Variants in DNAH8 observed in about 807,000 individuals in gnomAD.
DNAH8 encodes the protein dynein axonemal heavy chain 8, also known as axonemal beta dynein heavy chain 8.
DNAH8 carries 382 observed loss-of-function variants against 562.1 expected under a neutral mutation model. That is an observed-to-expected ratio of 0.68 (90% CI 0.63 to 0.74). DNAH8 has a LOEUF of 0.74. Ranked by LOEUF, DNAH8 falls within the 30% of genes least tolerant of loss-of-function variation. The pLI is 0.00. For synonymous variants in DNAH8, 1,881 were observed against 1,919.4 expected (o/e 0.98, Z 0.52); for missense variants, 5,203 against 5,620.4 (o/e 0.93, Z 2.37).
intron 22 of DNAH8, among the ~76,000 whole-genome samples, chr6:38,804,671 T>A (rs1771088039): frequency 6.6e-6 from 1 of 151,230 alleles, no homozygotes; most frequent in Admixed American, 6.6e-5. Flanking sequence ...ACCAACATAT[T>A]TGAAGTAGGG....
chr6:38,956,474 T>C (rs1762252230), intron 82 of DNAH8, among the ~76,000 whole-genome samples: 1 of 152,110 alleles, frequency 6.6e-6, no homozygotes, highest in African/African-American at 2.4e-5. Flanking sequence ...TCTGAACCAA[T>C]GAGGTGGGCT....
intron 82 of DNAH8, among the ~76,000 whole-genome samples, chr6:38,967,955 T>G (rs957544243): frequency 6.6e-6 from 1 of 152,174 alleles, no homozygotes; most frequent in Admixed American, 6.5e-5. Context: ...TATATCTCAA[T>G]GCAGAATTGA....
intron 91 of DNAH8, among the ~76,000 whole-genome samples, chr6:39,025,597 T>C (rs1319701917): frequency 6.6e-6 from 1 of 152,214 alleles, no homozygotes; most frequent in Non-Finnish European, 1.5e-5. Flanking sequence ...CTTATAATTA[T>C]GCCTTGCAAC....
intron 3 of DNAH8, 93 bp downstream of exon 3, chr6:38,723,564 AC>A: frequency 6.9e-7 from 1 of 1,447,356 alleles, no homozygotes; most frequent in Non-Finnish European, 9.3e-7. Context: ...AACAACAACA[AC>A]AAAAATCATT....
At chr6:38,879,942 A>G (rs1231257187) in intron 53 of DNAH8, among the ~76,000 whole-genome samples, 2 of 152,184 alleles carry the variant, frequency 1.3e-5, no homozygotes, top group Non-Finnish European at 2.9e-5. Context: ...ACCAGTTAAA[A>G]TAGAACGCAA....
chr6:38,726,158 T>G (rs1457367792), intron 3 of DNAH8, among the ~76,000 whole-genome samples: 1 of 152,206 alleles, frequency 6.6e-6, no homozygotes, highest in Non-Finnish European at 1.5e-5. Flanking sequence ...GAGTGATCAA[T>G]TTTGTTTCAC....
At chr6:38,841,719 T>C (rs191093807) in intron 33 of DNAH8, among the ~76,000 whole-genome samples, 2 of 151,830 alleles carry the variant, frequency 1.3e-5, no homozygotes, top group Admixed American at 1.3e-4. Context: ...TCTGGGCACA[T>C]GTGGGATTTT....
At chr6:38,752,115 GCTTCTT>G (rs1220775366) in intron 9 of DNAH8, among the ~76,000 whole-genome samples, 2 of 152,084 alleles carry the variant, frequency 1.3e-5, no homozygotes, top group African/African-American at 4.8e-5. Context: ...TTACTATGTT[GCTTCTT>G]CAAGGTATTC....
Position 38,872,637 on chromosome 6 carries a change from A to G in DNAH8, c.7092A>G (p.Glu2364=), listed in dbSNP as rs537105066. ...CGATTCTAATGAAGGCGCAAACAGA[A>G]TGCGGAAGGCCTCATAGAGAAATGC... ...VITILMKAQT[E]CGRPHREMRM... The change falls in exon 50 of 93, where the codon GAA becomes GAG. Residue 2364 remains glutamate (E), a synonymous_variant. Transcript: ENST00000327475. 1 of 1,614,160 alleles carries G rather than the reference A, an allele frequency of 6.2e-7. No homozygotes were observed. The highest frequency in any genetic ancestry group is 8.5e-7 in the Non-Finnish European group (1 of 1,179,992).
At chr6:39,018,980 T>C (rs1005257839) in intron 91 of DNAH8, among the ~76,000 whole-genome samples, 4 of 152,138 alleles carry the variant, frequency 2.6e-5, no homozygotes, top group African/African-American at 7.2e-5. Flanking sequence ...CATGGATAAT[T>C]CTCTCAAGAC....
Position 38,873,197 on chromosome 6 carries a change from A to G in DNAH8, c.7480-39A>G, listed in dbSNP as rs770921628. ...AACCCTCAGAGTCTCTCCACGTTTC[A>G]CTTTCTCAATAAACACAGATTCTGT... is the stretch of plus-strand genomic sequence containing the variant. On this transcript the variant is annotated intron_variant, in intron 51 of 92. Coordinates refer to ENST00000327475, the MANE Select transcript of DNAH8 (RefSeq NM_001206927.2). The G allele has an allele frequency of 7.4e-6, 12 of 1,612,520 alleles. No individual in the cohort carries two copies. In the African/African-American group the frequency reaches 8.0e-5, roughly 11 times the overall value.
intron 36 of DNAH8, among the ~76,000 whole-genome samples, chr6:38,848,121 C>G (rs1376389007): frequency 6.6e-6 from 1 of 152,162 alleles, no homozygotes; most frequent in Non-Finnish European, 1.5e-5. Context: ...CTCTCCTGAT[C>G]TTTAGGGATC....
At chr6:38,887,527 G>C (rs936037710) in intron 57 of DNAH8, among the ~76,000 whole-genome samples, 4 of 152,134 alleles carry the variant, frequency 2.6e-5, no homozygotes, top group Non-Finnish European at 5.9e-5. Flanking sequence ...GGCTCATAGA[G>C]AGACCCCATT....
chr6:38,881,919 C>T (rs994729682), intron 53 of DNAH8, among the ~76,000 whole-genome samples: 8 of 152,032 alleles, frequency 5.3e-5, no homozygotes, highest in Admixed American at 2.0e-4. Flanking sequence ...TGGTCTTTTC[C>T]GTCTTTTCAG....
chr6:38,831,237 C>A (rs1451118214), intron 30 of DNAH8, among the ~76,000 whole-genome samples: 1 of 151,786 alleles, frequency 6.6e-6, no homozygotes, highest in Non-Finnish European at 1.5e-5. Flanking sequence ...CCAGCCTGGG[C>A]AACATGTCAA....
At chr6:38,945,718 C>T (rs1761351964) in intron 80 of DNAH8, 130 bp downstream of exon 80, 1 of 1,213,860 alleles carries the variant, frequency 8.2e-7, no homozygotes, top group Non-Finnish European at 1.2e-6. Flanking sequence ...GGATTTGAGG[C>T]TCTGTGGCTG....
intron 9 of DNAH8, among the ~76,000 whole-genome samples, chr6:38,751,154 G>C (rs762167863): frequency 7.9e-5 from 12 of 152,152 alleles, no homozygotes; most frequent in East Asian, 1.9e-4. Context: ...CAGGCTAAGT[G>C]GGGGAGGCTG....
intron 43 of DNAH8, among the ~76,000 whole-genome samples, chr6:38,861,755 A>T (rs1776639433): frequency 6.6e-6 from 1 of 152,062 alleles, no homozygotes. Flanking sequence ...GCTGGTCTTG[A>T]ACTCCTGACC....
chr6:38,761,373 A>C (rs990850651), intron 10 of DNAH8, among the ~76,000 whole-genome samples: 5 of 145,418 alleles, frequency 3.4e-5, no homozygotes, highest in Non-Finnish European at 7.5e-5. Context: ...GTACCAATTG[A>C]TGGTCAGTTC....
Sources: allele counts gnomAD v4.1 joint callset (sites outside exome capture counted in the v4.1 genomes callset), GRCh38; gene constraint gnomAD v4.1.1; transcripts MANE v1.5; gene names NCBI Gene and HGNC (gene_info 2026-07-23, HGNC 2026-07-21).